Variants in SRD5A2 observed in about 807,000 individuals in gnomAD.
SRD5A2 encodes the protein 3-oxo-5-alpha-steroid 4-dehydrogenase 2.
Under a neutral mutation model 27.4 loss-of-function variants are expected in SRD5A2, and 30 were observed. The ratio of observed to expected loss-of-function variants is 1.10; its 90% CI spans 0.82 to 1.49. The LOEUF (loss-of-function observed/expected upper bound fraction) is 1.49, where lower values mean the gene tolerates loss of function less well. Among genes scored for constraint, SRD5A2 ranks in the 40% most tolerant of loss-of-function variants. The pLI is 0.00. For missense variants in SRD5A2, 348 were observed against 323.4 expected, an observed-to-expected ratio of 1.08 and a Z score of -0.58; for synonymous variants, 141 against 133.6, an observed-to-expected ratio of 1.06 and a Z score of -0.38.
At chr2:31,609,607 A>G in the SRD5A2 span, among the ~76,000 whole-genome samples, 8 of 152,146 alleles carry the variant, frequency 5.3e-5, no homozygotes, top group African/African-American at 1.9e-4. Context: ...CCCCACATGC[A>G]AAAATTAACT....
chr2:31,620,896 T>C, the SRD5A2 span, among the ~76,000 whole-genome samples: 13 of 147,442 alleles, frequency 8.8e-5, no homozygotes, highest in South Asian at 2.7e-3. Flanking sequence ...AGATCCATTA[T>C]ATTTGCTATC....
At chr2:31,569,097 T>G (rs961118426) in intron 1 of SRD5A2, among the ~76,000 whole-genome samples, 10 of 152,206 alleles carry the variant, frequency 6.6e-5, no homozygotes, top group African/African-American at 2.4e-4. Flanking sequence ...AGCACTGGCC[T>G]TCTGCCCCAC....
At position 31,524,923 on chromosome 2, in the gene SRD5A2, T is replaced by C. The variant is rs28383086; in HGVS notation, c.*1273A>G. The C allele has an allele frequency of 9.6e-3, 2,162 of 224,642 alleles. 25 individuals carry two copies. The highest frequency in any genetic ancestry group is 0.045 in the South Asian group (245 of 5,454). 13.9% of individuals were successfully genotyped at this position (224,642 alleles called of 1,614,324 possible). ...ACTCAAATGCTTACTAGCTACGTAG[T>C]TCCAGTTCTGGTGTGGAAATGTGGG... On this transcript the variant is annotated 3_prime_UTR_variant, in exon 5 of 5. Transcript: ENST00000622030.
At chr2:31,570,678 T>C (rs1013740966) in intron 1 of SRD5A2, among the ~76,000 whole-genome samples, 3 of 152,182 alleles carry the variant, frequency 2.0e-5, no homozygotes, top group African/African-American at 7.2e-5. Flanking sequence ...TTCAGTAAAG[T>C]TTCAGGATAC....
chr2:31,569,648 TTGAC>T (rs1666810131), intron 1 of SRD5A2, among the ~76,000 whole-genome samples: 1 of 149,300 alleles, frequency 6.7e-6, no homozygotes, highest in Non-Finnish European at 1.5e-5. Flanking sequence ...ACTAAAACAA[TTGAC>T]TGTCCACATG....
the SRD5A2 span, among the ~76,000 whole-genome samples, chr2:31,613,965 C>T: frequency 6.6e-6 from 1 of 152,126 alleles, no homozygotes; most frequent in Non-Finnish European, 1.5e-5. Context: ...TGGCCCCACC[C>T]TTGACATGTG....
intron 1 of SRD5A2, among the ~76,000 whole-genome samples, chr2:31,546,134 C>A (rs750550419): frequency 6.6e-6 from 1 of 151,240 alleles, no homozygotes; most frequent in Non-Finnish European, 1.5e-5. Flanking sequence ...ACTACCAACA[C>A]AATCTATTGA....
chr2:31,600,016 T>C, the SRD5A2 span, among the ~76,000 whole-genome samples: 3 of 152,008 alleles, frequency 2.0e-5, no homozygotes, highest in Non-Finnish European at 4.4e-5. Flanking sequence ...CCAGTGTCTG[T>C]TGTTCCCCTC....
intron 1 of SRD5A2, among the ~76,000 whole-genome samples, chr2:31,572,061 C>A (rs2886560): frequency 1 from 152,376 of 152,376 alleles, 76,188 homozygotes; most frequent in Non-Finnish European, 1. Context: ...TCACAACAGT[C>A]AAGACATGAA....
chr2:31,585,172 C>T (rs1359396393), upstream of SRD5A2, among the ~76,000 whole-genome samples: 3 of 152,298 alleles, frequency 2.0e-5, no homozygotes, highest in East Asian at 5.8e-4. Flanking sequence ...CAAACCTCAC[C>T]ACTGAGGGCT....
At chr2:31,617,171 C>T in the SRD5A2 span, among the ~76,000 whole-genome samples, 4 of 152,074 alleles carry the variant, frequency 2.6e-5, no homozygotes, top group African/African-American at 7.2e-5. Flanking sequence ...TACCCAGTCT[C>T]GGGTATGTCT....
chr2:31,581,151 T>G (rs1165236046), upstream of SRD5A2: 2 of 530,626 alleles, frequency 3.8e-6, no homozygotes, highest in Non-Finnish European at 6.6e-6. Flanking sequence ...CTCCACGGCT[T>G]TACATTCACC....
the SRD5A2 span, among the ~76,000 whole-genome samples, chr2:31,641,893 T>C: frequency 6.6e-6 from 1 of 152,032 alleles, no homozygotes; most frequent in Non-Finnish European, 1.5e-5. Context: ...TTCAGTAGAA[T>C]TATTAAGCTT....
chr2:31,539,059 CA>C (rs1204842804), intron 1 of SRD5A2, among the ~76,000 whole-genome samples: 1 of 152,126 alleles, frequency 6.6e-6, no homozygotes, highest in Non-Finnish European at 1.5e-5. Context: ...CTTTTACTTC[CA>C]GGGGGGTGTG....
intron 1 of SRD5A2, among the ~76,000 whole-genome samples, chr2:31,549,381 G>A (rs922791747): frequency 1.3e-5 from 2 of 151,766 alleles, no homozygotes; most frequent in Admixed American, 1.3e-4. Flanking sequence ...CAAAGTGCTG[G>A]GATTACAGGC....
chr2:31,600,439 T>A, the SRD5A2 span, among the ~76,000 whole-genome samples: 1 of 151,998 alleles, frequency 6.6e-6, no homozygotes, highest in Non-Finnish European at 1.5e-5. Flanking sequence ...TTGAACTAAT[T>A]TACATTCCCA....
chr2:31,585,374 C>T (rs571671492), upstream of SRD5A2, among the ~76,000 whole-genome samples: 1 of 152,078 alleles, frequency 6.6e-6, no homozygotes, highest in African/African-American at 2.4e-5. Flanking sequence ...CTGCACAACT[C>T]ACAACTCTAA....
the SRD5A2 span, among the ~76,000 whole-genome samples, chr2:31,620,728 G>A: frequency 6.6e-6 from 1 of 151,368 alleles, no homozygotes; most frequent in African/African-American, 2.4e-5. Context: ...GGTCTCTGTA[G>A]AGAACTCTTT....
chr2:31,648,410 G>A, the SRD5A2 span, among the ~76,000 whole-genome samples: 4 of 152,258 alleles, frequency 2.6e-5, no homozygotes, highest in African/African-American at 9.6e-5. Context: ...GTAATTGGGT[G>A]ACCCTAGTCA....
Sources: allele counts gnomAD v4.1 joint callset (sites outside exome capture counted in the v4.1 genomes callset), GRCh38; gene constraint gnomAD v4.1.1; transcripts MANE v1.5; gene names NCBI Gene and HGNC (gene_info 2026-07-23, HGNC 2026-07-21).